The following MAD1L1 variants were observed in gnomAD, a reference collection of about 807,000 sequenced individuals.
MAD1L1 encodes mitotic spindle assembly checkpoint protein MAD1.
In MAD1L1, 95 loss-of-function variants were observed where a neutral mutation model predicts 96.9. The ratio of observed to expected loss-of-function variants is 0.98; its 90% confidence interval spans 0.83 to 1.16. MAD1L1 has a LOEUF of 1.16. MAD1L1 is among the 50% of genes most tolerant of loss of function. The pLI is 0.00. For synonymous variants in MAD1L1, 473 were observed against 396.6 expected (o/e 1.19, Z -2.29); for missense variants, 1,007 against 954.4 (o/e 1.06, Z -0.73).
At chr7:1,983,703 C>A (rs191600762) in intron 14 of MAD1L1, among the ~76,000 whole-genome samples, 1 of 152,206 alleles carries the variant, frequency 6.6e-6, no homozygotes, top group Non-Finnish European at 1.5e-5. Context: ...ACGTATCCAC[C>A]GTCCAGATCA....
intron 18 of MAD1L1, among the ~76,000 whole-genome samples, chr7:1,867,949 T>C (rs959397825): frequency 3.7e-4 from 56 of 152,216 alleles, no homozygotes; most frequent in African/African-American, 1.4e-3. Context: ...TCTTCCCTAA[T>C]ACGGGGCGAC....
intron 18 of MAD1L1, among the ~76,000 whole-genome samples, chr7:1,855,606 C>T (rs1350149993): frequency 1.3e-5 from 2 of 152,158 alleles, no homozygotes; most frequent in South Asian, 2.1e-4. Context: ...CACACACCCA[C>T]GGCCTCCTCA....
intron 16 of MAD1L1, among the ~76,000 whole-genome samples, chr7:1,938,873 G>GACAC (rs1778770876): frequency 9.2e-5 from 3 of 32,704 alleles, no homozygotes; most frequent in African/African-American, 3.0e-4. Flanking sequence ...CACACACACG[G>GACAC]ACACAGTCCA....
chr7:2,113,274 G>C (rs1787479585), intron 11 of MAD1L1, among the ~76,000 whole-genome samples: 1 of 152,214 alleles, frequency 6.6e-6, no homozygotes, highest in Admixed American at 6.5e-5. Flanking sequence ...TGAACTAGGA[G>C]GAGAAGTTTT....
At chr7:1,857,053 G>C (rs1388204239) in intron 18 of MAD1L1, among the ~76,000 whole-genome samples, 1 of 152,222 alleles carries the variant, frequency 6.6e-6, no homozygotes, top group Non-Finnish European at 1.5e-5. Context: ...ACGAGGAGCT[G>C]CGGGGAGCAG....
chr7:2,013,619 C>A (rs1223321389), intron 13 of MAD1L1, among the ~76,000 whole-genome samples: 1 of 152,282 alleles, frequency 6.6e-6, no homozygotes, highest in Non-Finnish European at 1.5e-5. Context: ...TGGTAAGGCA[C>A]CCGGCGGCGG....
chr7:1,895,918 GGGGGCGGCCT>G (rs1786837767), intron 18 of MAD1L1, among the ~76,000 whole-genome samples: 2 of 152,274 alleles, frequency 1.3e-5, no homozygotes. Context: ...TGGGCAGTGA[GGGGGCGGCCT>G]GGGGAGGCGC....
Position 1,920,560 on chromosome 7 carries a change from T to C in MAD1L1, c.1807+16127A>G, listed in dbSNP as rs185285731. On this transcript the variant is annotated intron_variant, in intron 17 of 18. Transcript: ENST00000265854. ...GGAGAAGGAGGGTGCAGGTGTGGGG[T>C]GGGCGGGGATGAACGGAGGCTGGTC... Among the ~76,000 whole-genome samples, 240 of 151,770 alleles carry C rather than the reference T, an allele frequency of 1.6e-3. 3 individuals carry two copies. Among genetic ancestry groups the C allele is most frequent in the African/African-American group, 5.1e-3 (210 of 41,352 alleles).
chr7:1,848,987 G>A (rs533477860), intron 18 of MAD1L1: 12 of 153,904 alleles, frequency 7.8e-5, no homozygotes, highest in African/African-American at 2.4e-4. Flanking sequence ...TCACACCAGC[G>A]GGGGCACAGA....
chr7:2,024,041 G>C (rs1056432349), intron 12 of MAD1L1, among the ~76,000 whole-genome samples: 1 of 149,332 alleles, frequency 6.7e-6, no homozygotes, highest in African/African-American at 2.5e-5. Context: ...ACTCCATAGA[G>C]AAAAACCAAC....
chr7:2,028,424 C>CAAA (rs56189973), intron 12 of MAD1L1, among the ~76,000 whole-genome samples: 1 of 86,158 alleles, frequency 1.2e-5, no homozygotes, highest in Admixed American at 1.3e-4. Context: ...GACTCCATCT[C>CAAA]AAAAAAAAAA....
rs1435693631 is a variant in MAD1L1 at position 2,219,324 on chromosome 7, C to A, written c.596+8G>T. ...CGACCCCCGACCCCACACCCTGGCC[C>A]CGCCCACTTGTGTTGCAGGTCCAGC... On this transcript the variant is annotated splice_region_variant and intron_variant, in intron 6 of 18. Transcript: ENST00000265854. 1 of 1,558,438 alleles carries A rather than the reference C, an allele frequency of 6.4e-7. No individual in the cohort carries two copies. The highest frequency in any genetic ancestry group is 2.4e-5 in the East Asian group (1 of 42,146).
At chr7:1,854,101 C>T (rs1442164779) in intron 18 of MAD1L1, among the ~76,000 whole-genome samples, 2 of 152,170 alleles carry the variant, frequency 1.3e-5, no homozygotes, top group Non-Finnish European at 2.9e-5. Context: ...CCCATCCAGG[C>T]GTGGCGGAGG....
intron 11 of MAD1L1, among the ~76,000 whole-genome samples, chr7:2,116,652 T>C (rs1787718710): frequency 6.6e-6 from 1 of 150,714 alleles, no homozygotes. Flanking sequence ...TGTGTCATAC[T>C]GTTGCAGGGG....
intron 17 of MAD1L1, among the ~76,000 whole-genome samples, chr7:1,901,001 A>C (rs576694049): frequency 2.6e-5 from 4 of 151,868 alleles, no homozygotes; most frequent in African/African-American, 7.2e-5. Context: ...TCCTGGGGCC[A>C]CTCTCTCACC....
In MAD1L1 at chr7:1,980,459, G is replaced by C. The variant is rs193231481; in HGVS notation, c.1499C>G (p.Thr500Arg). 8.7e-6 allele frequency: 14 copies of C among 1,611,528 alleles called. No individual in the cohort carries two copies. The highest frequency in any genetic ancestry group is 1.2e-5 in the Non-Finnish European group (14 of 1,179,114). ...SFLFSREEAD[T>R]LRLKVEELEG... ...TCCTCTCTGGGGGACGTACCTGAGC[G>C]TGTCCGCCTCCTCCCTGGAGAACAG... is the stretch of plus-strand genomic sequence containing the variant. Residue 500 changes from threonine (T) to arginine (R), a missense_variant, in exon 15 of 19, where the codon ACG becomes AGG. Transcript: ENST00000265854.
At position 2,114,202 on chromosome 7, in the gene MAD1L1, T is replaced by C. The variant is rs1787537527; in HGVS notation, c.1073+34950A>G. The stretch of plus-strand genomic sequence containing the variant: ...TGTAACATTATGTCAAAATGAAAAG[T>C]TCCCAGAAGAACATGCCAGACACAT... On this transcript the variant is annotated intron_variant, in intron 11 of 18. Coordinates refer to ENST00000265854, the MANE Select transcript of MAD1L1 (RefSeq NM_001013836.2). This position sits in a 1 kb window ranked among gnomAD's most constrained non-coding sequence, Gnocchi z 4.2. Among the ~76,000 whole-genome samples the C allele has an allele frequency of 6.6e-6, 1 of 152,196 alleles. No homozygotes were observed.
chr7:2,160,166 G>T (rs1790032763), intron 10 of MAD1L1, among the ~76,000 whole-genome samples: 1 of 151,746 alleles, frequency 6.6e-6, no homozygotes, highest in Non-Finnish European at 1.5e-5. Flanking sequence ...GGGAGGCAGA[G>T]GCTACAGTGA....
At chr7:1,958,079 G>A (rs923529062) in intron 15 of MAD1L1, among the ~76,000 whole-genome samples, 4 of 152,184 alleles carry the variant, frequency 2.6e-5, no homozygotes, top group South Asian at 2.1e-4. Flanking sequence ...ATGTGATGGC[G>A]GAGTGCAGGG....
Sources: allele counts gnomAD v4.1 joint callset (sites outside exome capture counted in the v4.1 genomes callset), GRCh38; gene constraint gnomAD v4.1.1; non-coding constraint Gnocchi (gnomAD v3.1); transcripts MANE v1.5; gene names NCBI Gene and HGNC (gene_info 2026-07-23, HGNC 2026-07-21).